Variants in SLC5A11 observed in about 807,000 individuals in gnomAD.
SLC5A11 encodes solute carrier family 5 member 11.
Under a neutral mutation model 69.8 loss-of-function variants are expected in SLC5A11, and 48 were observed. The observed-to-expected ratio is 0.69, with a 90% confidence interval of 0.55 to 0.87. The LOEUF is 0.87. Ranked by LOEUF, SLC5A11 falls within the 40% of genes least tolerant of loss-of-function variation. The pLI, the probability that SLC5A11 is intolerant of heterozygous loss-of-function variation, is 0.00. For missense variants in SLC5A11, 784 were observed against 866.1 expected (o/e 0.91, Z 1.19); for synonymous variants, 319 against 342.4 (o/e 0.93, Z 0.75).
intron 5 of SLC5A11, among the ~76,000 whole-genome samples, chr16:24,874,023 C>T (rs2047508399): frequency 6.6e-6 from 1 of 152,036 alleles, no homozygotes. Context: ...GATGGGGTTT[C>T]CCCATGTTGG....
At chr16:24,849,439 T>A (rs1325180928) in intron 1 of SLC5A11, among the ~76,000 whole-genome samples, 1 of 150,894 alleles carries the variant, frequency 6.6e-6, no homozygotes, top group Non-Finnish European at 1.5e-5. Context: ...TGGTGACACA[T>A]GCCTGTAATC....
chr16:24,854,570 C>T (rs1277338142), intron 1 of SLC5A11, among the ~76,000 whole-genome samples: 1 of 152,006 alleles, frequency 6.6e-6, no homozygotes, highest in Admixed American at 6.5e-5. Flanking sequence ...GCTGGGATTA[C>T]AGTTGCATAC....
chr16:24,882,770 C>T (rs1422436092), intron 7 of SLC5A11, among the ~76,000 whole-genome samples: 11 of 152,272 alleles, frequency 7.2e-5, no homozygotes, highest in African/African-American at 1.9e-4. Flanking sequence ...CTCAGCCTCC[C>T]GAGTAGCTGG....
intron 4 of SLC5A11, among the ~76,000 whole-genome samples, chr16:24,871,184 A>C (rs575531962): frequency 6.6e-6 from 1 of 152,228 alleles, no homozygotes; most frequent in Non-Finnish European, 1.5e-5. Flanking sequence ...CTGGGTTTAC[A>C]TTCTTGCTCC....
chr16:24,879,716 G>A (rs1244782988), intron 7 of SLC5A11, among the ~76,000 whole-genome samples: 1 of 152,178 alleles, frequency 6.6e-6, no homozygotes, highest in Non-Finnish European at 1.5e-5. Flanking sequence ...CTGCACTCCA[G>A]CCTGGGCAAC....
chr16:24,874,483 G>A (rs903185133), intron 5 of SLC5A11, among the ~76,000 whole-genome samples: 3 of 152,106 alleles, frequency 2.0e-5, no homozygotes, highest in African/African-American at 4.8e-5. Context: ...GCAATTCAGC[G>A]TATCCTTGGT....
At chr16:24,849,607 T>C (rs1320143070) in intron 1 of SLC5A11, among the ~76,000 whole-genome samples, 1 of 102,870 alleles carries the variant, frequency 9.7e-6, no homozygotes, top group Admixed American at 1.0e-4. Context: ...TATATATATA[T>C]ATATATATAT....
intron 1 of SLC5A11, among the ~76,000 whole-genome samples, chr16:24,856,981 C>A (rs2059563935): frequency 6.6e-6 from 1 of 151,904 alleles, no homozygotes; most frequent in Admixed American, 6.6e-5. Context: ...CCACCACACC[C>A]AGCTAATTTT....
chr16:24,891,844 G>A (rs910973824), intron 9 of SLC5A11, among the ~76,000 whole-genome samples: 7 of 151,952 alleles, frequency 4.6e-5, no homozygotes, highest in South Asian at 2.1e-4. Context: ...GGGAGTAGAC[G>A]GAGATAATAA....
chr16:24,855,026 G>A (rs962533492), intron 1 of SLC5A11, among the ~76,000 whole-genome samples: 6 of 151,164 alleles, frequency 4.0e-5, no homozygotes, highest in South Asian at 2.1e-4. Flanking sequence ...CAGTGCAGTG[G>A]GGCAATCATA....
exon 9 of SLC5A11, chr16:24,890,913 T>G: frequency 1.9e-6 from 3 of 1,614,190 alleles, no homozygotes; most frequent in Non-Finnish European, 2.5e-6. Context: ...GGAGAAGTAC[T>G]TCTTGGCCCT....
chr16:24,852,678 G>A (rs898807346), intron 1 of SLC5A11, among the ~76,000 whole-genome samples: 1 of 152,344 alleles, frequency 6.6e-6, no homozygotes, highest in East Asian at 1.9e-4. Context: ...GGTACACACA[G>A]GGTGCAGGGG....
exon 4 of SLC5A11, chr16:24,869,938 G>A (rs1306351588): frequency 6.2e-7 from 1 of 1,614,184 alleles, no homozygotes. Flanking sequence ...GTTGGAAGTG[G>A]ACATTTCATT....
intron 15 of SLC5A11, among the ~76,000 whole-genome samples, 194 bp from the exon 17 acceptor site, chr16:24,911,134 A>G (rs995316748): frequency 1.4e-5 from 2 of 141,882 alleles, no homozygotes; most frequent in African/African-American, 5.6e-5. Context: ...ACGCCACTGC[A>G]CTCCAGCCTG....
chr16:24,871,624 T>C (rs892638126), intron 4 of SLC5A11, among the ~76,000 whole-genome samples: 2 of 152,106 alleles, frequency 1.3e-5, no homozygotes, highest in Non-Finnish European at 2.9e-5. Context: ...GGCATATTAA[T>C]GGTACCTGTT....
chr16:24,890,556 G>A (rs78308313), intron 8 of SLC5A11, among the ~76,000 whole-genome samples: 5,589 of 129,448 alleles, frequency 0.043, 373 homozygotes, highest in African/African-American at 0.16. Context: ...AAGAAAGAAA[G>A]AAAAAAGAAA....
intron 1 of SLC5A11, among the ~76,000 whole-genome samples, chr16:24,849,593 A>AAAAAAAAAAAAATATATATATAT: frequency 1.4e-4 from 5 of 35,904 alleles, no homozygotes; most frequent in African/African-American, 1.8e-4. Context: ...AAAAAAAAAA[A>AAAAAAAAAAAAATATATATATAT]ATATATATAT....
At chr16:24,875,171 G>C (rs76625561) in intron 5 of SLC5A11, among the ~76,000 whole-genome samples, 1 of 152,050 alleles carries the variant, frequency 6.6e-6, no homozygotes, top group Non-Finnish European at 1.5e-5. Context: ...CCTAGAATTT[G>C]TTTTTGTCTA....
intron 3 of SLC5A11, among the ~76,000 whole-genome samples, chr16:24,865,906 C>T (rs1010702036): frequency 2.6e-5 from 4 of 151,456 alleles, no homozygotes; most frequent in Non-Finnish European, 5.9e-5. Context: ...TTGTAACTCT[C>T]TTTTTCTTCT....
Sources: gnomAD v4.1 joint callset for allele counts (sites outside exome capture counted in the v4.1 genomes callset) on GRCh38, gnomAD v4.1.1 for gene constraint, MANE v1.5 for transcripts, NCBI Gene and HGNC (gene_info 2026-07-23, HGNC 2026-07-21) for gene names.